Variants in ZNF831 observed in about 807,000 individuals in gnomAD.
ZNF831 encodes the protein zinc finger protein 831.
ZNF831 carries 59 observed loss-of-function variants against 95.8 expected under a neutral mutation model. The observed-to-expected ratio is 0.62, with a 90% CI of 0.50 to 0.77. The LOEUF (loss-of-function observed/expected upper bound fraction) is 0.77. ZNF831 is among the 30% of genes least tolerant of loss of function. The pLI is 0.00. For missense variants in ZNF831, 2,205 were observed against 2,164.0 expected (o/e 1.02, Z -0.38); for synonymous variants, 961 against 925.5 (o/e 1.04, Z -0.70).
chr20:59,127,770 C>G (rs1035791431), intron 1 of ZNF831, among the ~76,000 whole-genome samples: 2 of 152,204 alleles, frequency 1.3e-5, no homozygotes, highest in African/African-American at 2.4e-5. Flanking sequence ...CACCCTCCAC[C>G]CCCAGGAAGC....
chr20:59,138,479 A>G (rs1455368196), intron 1 of ZNF831, among the ~76,000 whole-genome samples: 1 of 152,080 alleles, frequency 6.6e-6, no homozygotes, highest in Non-Finnish European at 1.5e-5. Flanking sequence ...TTTGCACCTC[A>G]CTGCACTCTT....
chr20:59,138,268 C>G (rs1479476692), intron 1 of ZNF831, among the ~76,000 whole-genome samples: 1 of 152,172 alleles, frequency 6.6e-6, no homozygotes, highest in Non-Finnish European at 1.5e-5. Context: ...CGTTTGAGGT[C>G]ATAATCAGGA....
At chr20:59,200,161 T>G (rs1301233860) in intron 3 of ZNF831, among the ~76,000 whole-genome samples, 1 of 152,192 alleles carries the variant, frequency 6.6e-6, no homozygotes, top group Admixed American at 6.5e-5. Context: ...TAGTTTTACT[T>G]TGATGTATAT....
At chr20:59,249,987 A>C (rs565227423) in intron 4 of ZNF831, among the ~76,000 whole-genome samples, 4 of 152,322 alleles carry the variant, frequency 2.6e-5, no homozygotes, top group African/African-American at 9.6e-5. Context: ...CAAGGAATGG[A>C]ATCCTGATTT....
chr20:59,237,303 G>A (rs1174882524), intron 4 of ZNF831, among the ~76,000 whole-genome samples: 10 of 152,144 alleles, frequency 6.6e-5, no homozygotes, highest in Non-Finnish European at 1.3e-4. Context: ...AGGGCTGTGG[G>A]ATGCTGGTTT....
Position 59,257,557 on chromosome 20 carries a change from A to G in ZNF831, c.*2814A>G, listed in dbSNP as rs909868058. 3.9e-5 allele frequency: 6 copies of G among 152,236 alleles called. No homozygotes were observed. Among genetic ancestry groups the G allele is most frequent in the Non-Finnish European group, 7.3e-5 (5 of 68,034 alleles). 9.4% of individuals were successfully genotyped at this position (152,236 alleles called of 1,614,324 possible). A position where few individuals can be genotyped will look rare whatever the true frequency, so the allele number is the denominator to read the frequency against. ...AACAACCTAGAACCCAGTTTGGGTT[A>G]CTAAAAATAAAATGTCAGTATTATC... On this transcript the variant is annotated 3_prime_UTR_variant, in exon 6 of 6. Coordinates refer to ENST00000371030, the MANE Select transcript of ZNF831 (RefSeq NM_178457.3).
intron 1 of ZNF831, among the ~76,000 whole-genome samples, chr20:59,132,682 T>C (rs1280259534): frequency 6.6e-6 from 1 of 152,266 alleles, no homozygotes; most frequent in Non-Finnish European, 1.5e-5. Context: ...CTTGTCTTTT[T>C]CATACTTTTT....
At chr20:59,162,201 G>A (rs1980915669), upstream of ZNF831, among the ~76,000 whole-genome samples, 1 of 152,114 alleles carries the variant, frequency 6.6e-6, no homozygotes, top group African/African-American at 2.4e-5. Context: ...CATTCCATAG[G>A]TTGTCTGTTT....
intron 1 of ZNF831, among the ~76,000 whole-genome samples, chr20:59,167,060 C>T (rs189842461): frequency 3.9e-5 from 6 of 152,318 alleles, no homozygotes; most frequent in Middle Eastern, 3.4e-3. Context: ...ATCCTGGCAA[C>T]GTGGGCAGTG....
In ZNF831 at chr20:59,176,702, G is replaced by A. The variant is rs554146160; in HGVS notation, c.-37+12495G>A. Among the ~76,000 whole-genome samples the A allele has an allele frequency of 7.9e-5, 12 of 152,328 alleles. No homozygotes were observed. The South Asian group carries it at 2.5e-3, about 32-fold the overall frequency. ...TGTAGTTCTGACATGGGCAGTTTAAGAGGTAGGGTTAACTCATATAATATT... is the reference window on the plus strand; with the variant it reads ...TGTAGTTCTGACATGGGCAGTTTAAAAGGTAGGGTTAACTCATATAATATT... On this transcript the variant is annotated intron_variant, in intron 1 of 5. Coordinates refer to ENST00000371030, the MANE Select transcript of ZNF831 (RefSeq NM_178457.3).
chr20:59,241,827 A>C (rs1207252745), intron 4 of ZNF831, among the ~76,000 whole-genome samples: 1 of 152,220 alleles, frequency 6.6e-6, no homozygotes, highest in African/African-American at 2.4e-5. Flanking sequence ...TCTGCTTTCC[A>C]AATGCTTCAC....
chr20:59,156,625 C>T (rs531166917), intron 2 of ZNF831, among the ~76,000 whole-genome samples: 5 of 152,154 alleles, frequency 3.3e-5, no homozygotes, highest in South Asian at 2.1e-4. Context: ...TTAGCCATCT[C>T]GCATAACTGA....
intron 1 of ZNF831, among the ~76,000 whole-genome samples, chr20:59,165,292 A>G (rs1035191227): frequency 6.6e-5 from 10 of 152,298 alleles, no homozygotes; most frequent in African/African-American, 1.9e-4. Context: ...AACATCATGT[A>G]AGCAGAGAAC....
At chr20:59,144,080 A>G (rs171840) in intron 1 of ZNF831, among the ~76,000 whole-genome samples, 12,892 of 151,946 alleles carry the variant, frequency 0.085, 1,206 homozygotes, top group African/African-American at 0.23. Flanking sequence ...GTTTCTTTCT[A>G]TTTCTTTTTT....
chr20:59,168,037 T>C (rs561349441), intron 1 of ZNF831, among the ~76,000 whole-genome samples: 27 of 152,348 alleles, frequency 1.8e-4, no homozygotes, highest in African/African-American at 6.0e-4. Context: ...CTTTACACTT[T>C]ATTATCTTTC....
chr20:59,189,594 C>G (rs1160852617), intron 1 of ZNF831, among the ~76,000 whole-genome samples: 2 of 152,232 alleles, frequency 1.3e-5, no homozygotes, highest in Admixed American at 6.5e-5. Context: ...TCACTGGAAC[C>G]TCCACCTCCA....
rs1983781962 is a variant in ZNF831 at position 59,193,366 on chromosome 20, C to T, written c.2347C>T (p.Pro783Ser). The T allele has an allele frequency of 2.6e-5, 42 of 1,609,200 alleles. No homozygotes were observed. Among genetic ancestry groups the T allele is most frequent in the Non-Finnish European group, 3.2e-5 (38 of 1,177,640 alleles). Residue 783 changes from proline (P) to serine (S), a missense_variant, in exon 2 of 6, where the codon CCC (proline) becomes TCC (serine). Coordinates refer to ENST00000371030, the MANE Select transcript of ZNF831 (RefSeq NM_178457.3). ...GGCTCCCAGGCCAGTTTGGCCGGAC[C>T]CCAAGCTGGAAGGAGGTGCCCGAGG... ...VEAPRPVWPDPKLEGGARGVG... is the reference protein window; with the variant it reads ...VEAPRPVWPDSKLEGGARGVG...
chr20:59,185,715 A>G (rs1404318677), intron 1 of ZNF831, among the ~76,000 whole-genome samples: 1 of 152,030 alleles, frequency 6.6e-6, no homozygotes, highest in Non-Finnish European at 1.5e-5. Context: ...CTCTTTCCAG[A>G]CTGCCCTGGG....
At position 59,194,053 on chromosome 20, in the gene ZNF831, A is replaced by G. The variant is rs1351372827; in HGVS notation, c.3034A>G (p.Arg1012Gly). 2.0e-6 allele frequency: 3 copies of G among 1,528,820 alleles called. No homozygotes were observed. Among genetic ancestry groups the G allele is most frequent in the African/African-American group, 1.4e-5 (1 of 72,344 alleles). 94.7% of individuals were successfully genotyped at this position (1,528,820 alleles called of 1,614,324 possible). ...CATCCTGGAGGACCCCAGCTGTTCC[A>G]GGCCACAGGATGGGAGAAAAGGGGC... is the stretch of plus-strand genomic sequence containing the variant. ...DSILEDPSCS[R>G]PQDGRKGAQL... Residue 1012 changes from arginine to glycine, a missense_variant, in exon 2 of 6, where the codon AGG (arginine) becomes GGG (glycine). Transcript: ENST00000371030.
Sources: allele counts gnomAD v4.1 joint callset (sites outside exome capture counted in the v4.1 genomes callset), GRCh38; gene constraint gnomAD v4.1.1; transcripts MANE v1.5; gene names NCBI Gene and HGNC (gene_info 2026-07-23, HGNC 2026-07-21).